Variants in NTRK3 observed in about 807,000 individuals in gnomAD.
NTRK3 encodes neurotrophic receptor tyrosine kinase 3.
Under a neutral mutation model 91.7 loss-of-function variants are expected in NTRK3, and 24 were observed. The observed-to-expected ratio is 0.26, with a 90% CI of 0.19 to 0.37. The LOEUF is 0.37. Ranked by LOEUF, NTRK3 falls within the 10% of genes least tolerant of loss-of-function variation. NTRK3 has a pLI of 1.00. For missense variants in NTRK3, 880 were observed against 1,068.9 expected, an observed-to-expected ratio of 0.82 and a Z score of 2.46; for synonymous variants, 483 against 404.0, an observed-to-expected ratio of 1.20 and a Z score of -2.34.
At chr15:88,082,317 C>T (rs1237895738) in intron 13 of NTRK3, among the ~76,000 whole-genome samples, 1 of 151,446 alleles carries the variant, frequency 6.6e-6, no homozygotes, top group Non-Finnish European at 1.5e-5. Flanking sequence ...GACCATGGTG[C>T]CCCCAGACTT....
intron 14 of NTRK3, among the ~76,000 whole-genome samples, chr15:88,007,554 C>T (rs937775621): frequency 2.0e-5 from 3 of 152,166 alleles, no homozygotes; most frequent in Admixed American, 1.3e-4. Context: ...GAGACTCACA[C>T]CCACAAGGAT....
chr15:87,896,484 AAAAG>A (rs1207490522), intron 17 of NTRK3, among the ~76,000 whole-genome samples: 3 of 151,736 alleles, frequency 2.0e-5, no homozygotes, highest in South Asian at 4.2e-4. Flanking sequence ...AAAAAAAAAA[AAAAG>A]AAAGAAAGGA....
intron 12 of NTRK3, among the ~76,000 whole-genome samples, chr15:88,126,625 G>A (rs546305901): frequency 2.3e-4 from 35 of 152,228 alleles, no homozygotes; most frequent in African/African-American, 8.2e-4. Context: ...TCTCACCTGG[G>A]GCCATTCTAA....
At chr15:88,002,671 G>C (rs2076199215) in intron 14 of NTRK3, among the ~76,000 whole-genome samples, 2 of 114,570 alleles carry the variant, frequency 1.7e-5, no homozygotes, top group South Asian at 5.4e-4. Context: ...AGACTCAACA[G>C]AAAACATGAG....
chr15:88,125,026 C>A (rs1460092768), intron 13 of NTRK3, among the ~76,000 whole-genome samples: 3 of 152,184 alleles, frequency 2.0e-5, no homozygotes, highest in Non-Finnish European at 4.4e-5. Context: ...GTTGCCCAGA[C>A]CGGAATGCAG....
At chr15:88,244,346 T>A (rs1020691096) in intron 3 of NTRK3, among the ~76,000 whole-genome samples, 1 of 152,194 alleles carries the variant, frequency 6.6e-6, no homozygotes, top group Admixed American at 6.5e-5. Context: ...CATCTTACTT[T>A]GCAGGGGAAG....
intron 13 of NTRK3, among the ~76,000 whole-genome samples, chr15:88,058,642 C>T (rs527463863): frequency 7.3e-4 from 111 of 152,238 alleles, no homozygotes; most frequent in South Asian, 6.8e-3. Context: ...CAGAACTATC[C>T]GGCTAACCCA....
chr15:88,133,323 G>A (rs2041556512), intron 10 of NTRK3, among the ~76,000 whole-genome samples: 1 of 152,134 alleles, frequency 6.6e-6, no homozygotes, highest in Non-Finnish European at 1.5e-5. Flanking sequence ...AGACAAAGGA[G>A]AGAACGGAGA....
chr15:88,253,289 TA>T (rs980578169), intron 3 of NTRK3: 1 of 152,198 alleles, frequency 6.6e-6, no homozygotes, highest in African/African-American at 2.4e-5. Context: ...CAAGTCATAC[TA>T]AAACAAGAAC....
exon 14 of NTRK3, chr15:88,033,030 A>G (rs2142023598): frequency 1.3e-6 from 2 of 1,591,248 alleles, no homozygotes; most frequent in Non-Finnish European, 1.7e-6. Flanking sequence ...CTCACCACTG[A>G]TGACAGCCAC....
chr15:87,919,455 A>G (rs1361244926), intron 17 of NTRK3, among the ~76,000 whole-genome samples: 1 of 152,166 alleles, frequency 6.6e-6, no homozygotes, highest in Non-Finnish European at 1.5e-5. Flanking sequence ...AGATTGCCGG[A>G]GTGTCCCAGG....
chr15:88,233,423 G>A lies in NTRK3; in HGVS notation c.248+22483C>T, dbSNP rs2051388128. 6.6e-6 allele frequency among the ~76,000 whole-genome samples: 1 copy of A among 152,056 alleles called. No individual in the cohort carries two copies. Among genetic ancestry groups the A allele is most frequent in the Admixed American group, 6.5e-5 (1 of 15,274 alleles). ...ATGGGCTGCTGCCATACAGCCTGCA[G>A]GCTCTTTAAGCATCCTGGGGAGAAG... On this transcript the variant is annotated intron_variant, in intron 3 of 18. Coordinates refer to ENST00000394480, the Ensembl canonical transcript of NTRK3. This position sits in a 1 kb window ranked among gnomAD's most constrained non-coding sequence, Gnocchi z 4.2.
At chr15:88,123,871 C>G (rs968113881) in intron 13 of NTRK3, among the ~76,000 whole-genome samples, 2 of 152,190 alleles carry the variant, frequency 1.3e-5, no homozygotes, top group Admixed American at 1.3e-4. Flanking sequence ...AGGCATCAGA[C>G]AGAATAGATT....
At chr15:87,873,018 T>C in exon 19 of NTRK3, 1 of 233,116 alleles carries the variant, frequency 4.3e-6, no homozygotes. Flanking sequence ...ATGCACCCTG[T>C]ACTCTCCCGG....
intron 14 of NTRK3, among the ~76,000 whole-genome samples, chr15:88,002,212 A>G (rs917747044): frequency 7.1e-6 from 1 of 140,088 alleles, no homozygotes; most frequent in Admixed American, 7.4e-5. Flanking sequence ...TGAAAATCTA[A>G]GAGTTGGACT....
At chr15:88,098,791 T>G in intron 13 of NTRK3, 1 of 232,650 alleles carries the variant, frequency 4.3e-6, no homozygotes. Context: ...AGAGATGGAG[T>G]GTGAAAGACA....
At chr15:87,922,332 A>G (rs1038084613) in intron 17 of NTRK3, among the ~76,000 whole-genome samples, 2 of 152,166 alleles carry the variant, frequency 1.3e-5, no homozygotes, top group East Asian at 3.9e-4. Flanking sequence ...CTTGTTGATC[A>G]TAAAACTGGA....
At chr15:87,980,557 G>C (rs953093918) in intron 14 of NTRK3, among the ~76,000 whole-genome samples, 62 of 152,324 alleles carry the variant, frequency 4.1e-4, no homozygotes, top group African/African-American at 1.5e-3. Flanking sequence ...ATGTGTATGT[G>C]TGTGTGAATA....
intron 14 of NTRK3, among the ~76,000 whole-genome samples, chr15:87,954,093 A>G (rs1237825124): frequency 6.9e-6 from 1 of 144,748 alleles, no homozygotes; most frequent in Non-Finnish European, 1.5e-5. Context: ...TCTTTATTGT[A>G]GGCTCTGTGG....
Sources: allele counts gnomAD v4.1 joint callset (sites outside exome capture counted in the v4.1 genomes callset), GRCh38; gene constraint gnomAD v4.1.1; non-coding constraint Gnocchi (gnomAD v3.1); transcripts MANE v1.5; gene names NCBI Gene and HGNC (gene_info 2026-07-23, HGNC 2026-07-21).